Variants in IMMP2L observed in about 807,000 individuals in gnomAD.
The protein encoded by IMMP2L is mitochondrial inner membrane protease subunit 2.
A neutral mutation model predicts 19.3 loss-of-function variants in IMMP2L; 18 were observed. That is an observed-to-expected ratio of 0.93 (90% CI 0.64 to 1.38). The LOEUF is 1.38. Among genes scored for constraint, IMMP2L ranks in the 40% most tolerant of loss-of-function variants. The pLI, the probability that IMMP2L is intolerant of heterozygous loss-of-function variation, is 0.00. For missense variants in IMMP2L, 233 were observed against 218.2 expected, an observed-to-expected ratio of 1.07 and a Z score of -0.43; for synonymous variants, 76 against 73.0, an observed-to-expected ratio of 1.04 and a Z score of -0.21.
chr7:111,220,911 A>G (rs1466855932), intron 3 of IMMP2L, among the ~76,000 whole-genome samples: 1 of 152,038 alleles, frequency 6.6e-6, no homozygotes, highest in Non-Finnish European at 1.5e-5. Context: ...GCTTTCCTCC[A>G]TCTTTTTGTT....
At chr7:110,749,131 A>T (rs538639646) in intron 5 of IMMP2L, among the ~76,000 whole-genome samples, 1 of 152,322 alleles carries the variant, frequency 6.6e-6, no homozygotes, top group South Asian at 2.1e-4. Flanking sequence ...TGCAACCAAC[A>T]AACATATGAA....
At chr7:111,162,652 C>G (rs1185316315) in intron 3 of IMMP2L, among the ~76,000 whole-genome samples, 2 of 146,700 alleles carry the variant, frequency 1.4e-5, no homozygotes, top group South Asian at 4.4e-4. Flanking sequence ...TTTTTTTTTG[C>G]CCCATTGTGT....
intron 1 of IMMP2L, among the ~76,000 whole-genome samples, chr7:111,560,093 T>C (rs1430865669): frequency 3.3e-5 from 5 of 152,212 alleles, no homozygotes; most frequent in Non-Finnish European, 5.9e-5. Flanking sequence ...AACATATACT[T>C]AAGCTGCATA....
intron 3 of IMMP2L, among the ~76,000 whole-genome samples, chr7:111,107,903 G>A (rs1371249476): frequency 6.6e-6 from 1 of 152,148 alleles, no homozygotes; most frequent in African/African-American, 2.4e-5. Flanking sequence ...CTAGTTTCAT[G>A]TGTGCTGCAT....
chr7:111,346,421 T>C (rs901292028), intron 3 of IMMP2L, among the ~76,000 whole-genome samples: 1 of 152,128 alleles, frequency 6.6e-6, no homozygotes, highest in Non-Finnish European at 1.5e-5. Context: ...TTATTCAATA[T>C]GTAAGCTGAC....
intron 3 of IMMP2L, among the ~76,000 whole-genome samples, chr7:111,266,742 C>T (rs1205886382): frequency 6.6e-6 from 1 of 152,100 alleles, no homozygotes; most frequent in Non-Finnish European, 1.5e-5. Flanking sequence ...CATTTTCCTG[C>T]CAGACATGTG....
chr7:111,383,423 C>T (rs1831395972), intron 3 of IMMP2L, among the ~76,000 whole-genome samples: 2 of 152,014 alleles, frequency 1.3e-5, no homozygotes, highest in Non-Finnish European at 2.9e-5. Context: ...CTTGGCCTGC[C>T]CATCCTCATC....
chr7:110,789,517 C>A (rs995979259), intron 5 of IMMP2L, among the ~76,000 whole-genome samples: 1 of 151,676 alleles, frequency 6.6e-6, no homozygotes, highest in Admixed American at 6.6e-5. Context: ...AGCCTCTTAG[C>A]CTTCATGTTT....
At chr7:111,339,735 C>T (rs1316946761) in intron 3 of IMMP2L, among the ~76,000 whole-genome samples, 1 of 152,012 alleles carries the variant, frequency 6.6e-6, no homozygotes, top group Non-Finnish European at 1.5e-5. Flanking sequence ...AAGACTTCAA[C>T]TCAACTTTTT....
chr7:111,001,627 A>T (rs965388259), intron 3 of IMMP2L, among the ~76,000 whole-genome samples: 1 of 152,192 alleles, frequency 6.6e-6, no homozygotes, highest in Non-Finnish European at 1.5e-5. Flanking sequence ...AATATTTACT[A>T]GAATCTCACT....
intron 3 of IMMP2L, among the ~76,000 whole-genome samples, chr7:111,104,314 T>G (rs1433434056): frequency 6.6e-6 from 1 of 151,810 alleles, no homozygotes; most frequent in African/African-American, 2.4e-5. Flanking sequence ...AAATGTTTAC[T>G]TCTGTAATCC....
At chr7:111,342,850 TTA>T (rs1318099700) in intron 3 of IMMP2L, among the ~76,000 whole-genome samples, 1 of 152,050 alleles carries the variant, frequency 6.6e-6, no homozygotes, top group Non-Finnish European at 1.5e-5. Context: ...CTCTAAAAAG[TTA>T]TATGATTTCT....
At chr7:111,008,938 T>G (rs986871203) in intron 3 of IMMP2L, among the ~76,000 whole-genome samples, 1 of 152,100 alleles carries the variant, frequency 6.6e-6, no homozygotes, top group Non-Finnish European at 1.5e-5. Context: ...CCACTTTGAG[T>G]CATCTCAGTG....
intron 3 of IMMP2L, among the ~76,000 whole-genome samples, chr7:111,085,379 C>A (rs1244346389): frequency 1.3e-5 from 2 of 152,164 alleles, no homozygotes; most frequent in Admixed American, 1.3e-4. Context: ...TAAAAGTGTT[C>A]CTTTTTCTCC....
At chr7:111,006,763 T>C (rs1423572865) in intron 3 of IMMP2L, among the ~76,000 whole-genome samples, 1 of 152,088 alleles carries the variant, frequency 6.6e-6, no homozygotes, top group Non-Finnish European at 1.5e-5. Flanking sequence ...TTTCTAAAAT[T>C]CCATTATAAT....
At chr7:111,226,100 C>A (rs1813062351) in intron 3 of IMMP2L, among the ~76,000 whole-genome samples, 1 of 152,012 alleles carries the variant, frequency 6.6e-6, no homozygotes, top group African/African-American at 2.4e-5. Context: ...CATACCTCTT[C>A]TTCCCCATTC....
intron 1 of IMMP2L, among the ~76,000 whole-genome samples, chr7:111,539,162 A>G: frequency 1.8e-5 from 1 of 57,032 alleles, no homozygotes; most frequent in African/African-American, 8.7e-5. Context: ...GAAGGAAGGA[A>G]GGAAGGAAGG....
intron 3 of IMMP2L, among the ~76,000 whole-genome samples, chr7:111,389,797 G>T (rs1197889397): frequency 6.6e-6 from 1 of 151,988 alleles, no homozygotes; most frequent in Non-Finnish European, 1.5e-5. Context: ...TCTCTATGAA[G>T]GGCCACAATC....
At chr7:110,910,757 A>G (rs1396577558) in intron 4 of IMMP2L, among the ~76,000 whole-genome samples, 1 of 152,178 alleles carries the variant, frequency 6.6e-6, no homozygotes, top group African/African-American at 2.4e-5. Flanking sequence ...TACCATGGAC[A>G]GATGAAGTTC....
Sources: gnomAD v4.1 joint callset for allele counts (sites outside exome capture counted in the v4.1 genomes callset) on GRCh38, gnomAD v4.1.1 for gene constraint, MANE v1.5 for transcripts, NCBI Gene and HGNC (gene_info 2026-07-23, HGNC 2026-07-21) for gene names.